The following PXDNL variants were observed in gnomAD, a reference collection of about 807,000 sequenced individuals.
The protein encoded by PXDNL is peroxidasin like.
A neutral mutation model predicts 150.8 loss-of-function variants in PXDNL; 145 were observed. The observed-to-expected ratio is 0.96, with a 90% CI of 0.84 to 1.10. The LOEUF (loss-of-function observed/expected upper bound fraction) is 1.10. Ranked by LOEUF, PXDNL falls within the 50% of genes least tolerant of loss-of-function variation. The probability of loss-of-function intolerance (pLI) is 0.00; values close to 1 mark genes in which losing one functional copy is unlikely to be tolerated. For synonymous variants in PXDNL, 757 were observed against 725.7 expected (o/e 1.04, Z -0.69); for missense variants, 2,087 against 1,873.9 (o/e 1.11, Z -2.10).
intron 1 of PXDNL, among the ~76,000 whole-genome samples, chr8:51,714,995 G>C (rs772794098): frequency 1.3e-5 from 2 of 152,136 alleles, no homozygotes; most frequent in Non-Finnish European, 2.9e-5. Flanking sequence ...TTCCACTATG[G>C]GGAATATCAT....
chr8:51,779,743 T>C (rs2129248229), intron 1 of PXDNL, among the ~76,000 whole-genome samples: 1 of 152,316 alleles, frequency 6.6e-6, no homozygotes, highest in East Asian at 1.9e-4. Context: ...TTGGCTGTCT[T>C]CATCCCTTTT....
At chr8:51,434,139 A>T (rs1475388673) in intron 12 of PXDNL, among the ~76,000 whole-genome samples, 1 of 152,170 alleles carries the variant, frequency 6.6e-6, no homozygotes, top group Non-Finnish European at 1.5e-5. Context: ...GCTCCTATCC[A>T]TGAAGGAGTT....
chr8:51,725,560 C>T (rs1305072589), intron 1 of PXDNL, among the ~76,000 whole-genome samples: 6 of 152,114 alleles, frequency 3.9e-5, no homozygotes, highest in Non-Finnish European at 7.4e-5. Context: ...CTTTCCTTCC[C>T]GGGAGCGTTG....
chr8:51,467,776 C>T (rs1563424907), intron 8 of PXDNL, among the ~76,000 whole-genome samples: 1 of 152,056 alleles, frequency 6.6e-6, no homozygotes, highest in Non-Finnish European at 1.5e-5. Flanking sequence ...TTCTATTTCT[C>T]CCCAAGGTAA....
At chr8:51,565,281 CCTAA>C (rs1403324255) in intron 3 of PXDNL, among the ~76,000 whole-genome samples, 2 of 71,968 alleles carry the variant, frequency 2.8e-5, no homozygotes, top group African/African-American at 7.5e-5. Flanking sequence ...TATATCTTTT[CCTAA>C]ATAAATAAAT....
At chr8:51,757,121 G>A (rs1198440853) in intron 1 of PXDNL, among the ~76,000 whole-genome samples, 1 of 152,048 alleles carries the variant, frequency 6.6e-6, no homozygotes, top group African/African-American at 2.4e-5. Flanking sequence ...GAACCTAAGT[G>A]TTTCCATCAC....
rs1016113568 is a variant in PXDNL at position 51,640,652 on chromosome 8, G to A, written c.236+14037C>T. 3.9e-5 allele frequency among the ~76,000 whole-genome samples: 6 copies of A among 152,294 alleles called. 1 individual carries two copies. Among genetic ancestry groups the A allele is most frequent in the African/African-American group, 9.6e-5 (4 of 41,556 alleles). On this transcript the variant is annotated intron_variant, in intron 2 of 22. Transcript: ENST00000356297. ...CCTAGGAATCCACCTTACAAGGGAC[G>A]TGAATGACCTCTTCAAGGAGAACTA...
At chr8:51,393,058 T>G (rs1426550968) in intron 17 of PXDNL, among the ~76,000 whole-genome samples, 1 of 152,264 alleles carries the variant, frequency 6.6e-6, no homozygotes, top group Non-Finnish European at 1.5e-5. Flanking sequence ...CTCCTGTGTT[T>G]TCATTCTGAA....
intron 4 of PXDNL, among the ~76,000 whole-genome samples, chr8:51,525,398 C>T (rs1811748767): frequency 6.6e-6 from 1 of 152,202 alleles, no homozygotes. Context: ...ACCCAACTGT[C>T]CAGTAATTAC....
chr8:51,527,014 C>T (rs943236451), intron 4 of PXDNL, among the ~76,000 whole-genome samples: 1 of 152,242 alleles, frequency 6.6e-6, no homozygotes, highest in South Asian at 2.1e-4. Context: ...TCTGTGGCTT[C>T]TACCTTCTTC....
chr8:51,776,657 T>C (rs2037357180), intron 1 of PXDNL, among the ~76,000 whole-genome samples: 1 of 152,138 alleles, frequency 6.6e-6, no homozygotes, highest in African/African-American at 2.4e-5. Flanking sequence ...GTAGCAAGAA[T>C]ACTGTTAAGT....
chr8:51,379,723 T>A (rs977018151), intron 17 of PXDNL, among the ~76,000 whole-genome samples: 1 of 152,138 alleles, frequency 6.6e-6, no homozygotes, highest in Non-Finnish European at 1.5e-5. Context: ...TACTAAAAAT[T>A]TCTTTCTTTC....
chr8:51,545,214 A>G (rs4873560), intron 4 of PXDNL, among the ~76,000 whole-genome samples: 71,585 of 152,060 alleles, frequency 0.47, 20,246 homozygotes, highest in African/African-American at 0.79. Context: ...CATTTTAAAT[A>G]GGAATTAGAA....
chr8:51,504,267 T>A (rs978564585), intron 4 of PXDNL, among the ~76,000 whole-genome samples: 2 of 152,208 alleles, frequency 1.3e-5, no homozygotes, highest in African/African-American at 4.8e-5. Flanking sequence ...AAATGGCTTT[T>A]AATTTCTATA....
chr8:51,638,164 A>G (rs1275058970), intron 2 of PXDNL, among the ~76,000 whole-genome samples: 1 of 152,252 alleles, frequency 6.6e-6, no homozygotes, highest in Non-Finnish European at 1.5e-5. Context: ...AGATTTTGTC[A>G]CCACCAGGCC....
chr8:51,457,441 A>T lies in PXDNL; in HGVS notation c.982+57T>A, dbSNP rs1418315334. ...AAGTATTACATACTCTAAAGCAGCA[A>T]TATTAGATCATTTTCCAGTGCAGAT... On this transcript the variant is annotated intron_variant, in intron 9 of 22. Coordinates refer to ENST00000356297, the MANE Select transcript of PXDNL (RefSeq NM_144651.5). 2.9e-6 allele frequency: 4 copies of T among 1,360,434 alleles called. No homozygotes were observed. The East Asian group carries it at 7.0e-5, about 24-fold the overall frequency. 84.3% of individuals were successfully genotyped at this position (1,360,434 alleles called of 1,614,324 possible). A position where few individuals can be genotyped will look rare whatever the true frequency, so the allele number is the denominator to read the frequency against.
intron 9 of PXDNL, 36 bp downstream of exon 9, chr8:51,457,462 C>A (rs1257584647): frequency 6.6e-7 from 1 of 1,510,072 alleles, no homozygotes; most frequent in Non-Finnish European, 9.0e-7. Flanking sequence ...TTTTCCAGTG[C>A]AGATAATTGA....
intron 14 of PXDNL, among the ~76,000 whole-genome samples, chr8:51,413,479 G>T (rs148624418): frequency 1.9e-3 from 282 of 152,208 alleles, no homozygotes; most frequent in Middle Eastern, 6.8e-3. Flanking sequence ...GTTATTTAGG[G>T]AATTAAAGTA....
At chr8:51,380,138 A>AAT (rs1482627484) in intron 17 of PXDNL, among the ~76,000 whole-genome samples, 54 of 152,164 alleles carry the variant, frequency 3.5e-4, no homozygotes, top group African/African-American at 1.2e-3. Context: ...AAAAAAAAAA[A>AAT]AATAACAAAA....
Sources: allele counts gnomAD v4.1 joint callset (sites outside exome capture counted in the v4.1 genomes callset), GRCh38; gene constraint gnomAD v4.1.1; transcripts MANE v1.5; gene names NCBI Gene and HGNC (gene_info 2026-07-23, HGNC 2026-07-21).